The following PEAK1 variants were observed in gnomAD, a reference collection of about 807,000 sequenced individuals.
PEAK1 encodes pseudopodium enriched atypical kinase 1, also known as inactive tyrosine-protein kinase PEAK1.
A neutral mutation model predicts 124.7 loss-of-function variants in PEAK1; 54 were observed. That is an observed-to-expected ratio of 0.43 (90% CI 0.35 to 0.54). The LOEUF (loss-of-function observed/expected upper bound fraction) is 0.54. Among genes scored for constraint, PEAK1 ranks in the 20% least tolerant of loss-of-function variants. The probability of loss-of-function intolerance (pLI) is 0.01; values close to 1 mark genes in which losing one functional copy is unlikely to be tolerated. For missense variants in PEAK1, 2,046 were observed against 2,134.5 expected (o/e 0.96, Z 0.82); for synonymous variants, 719 against 760.0 (o/e 0.95, Z 0.89).
intron 2 of PEAK1, among the ~76,000 whole-genome samples, chr15:77,319,251 T>A (rs1347314916): frequency 6.6e-6 from 1 of 150,778 alleles, no homozygotes; most frequent in Non-Finnish European, 1.5e-5. Flanking sequence ...CCAAATGTAG[T>A]TTAAAAAAAA....
chr15:77,197,165 G>A (rs190552882), intron 6 of PEAK1, among the ~76,000 whole-genome samples: 2 of 152,174 alleles, frequency 1.3e-5, no homozygotes, highest in African/African-American at 4.8e-5. Flanking sequence ...AAACAGCTTG[G>A]AAGACAGAAT....
chr15:77,308,530 T>C (rs982715719), intron 2 of PEAK1, among the ~76,000 whole-genome samples: 20 of 152,100 alleles, frequency 1.3e-4, no homozygotes, highest in African/African-American at 4.8e-4. Context: ...TTCTCCCAAA[T>C]GTCAGCTTCA....
chr15:77,181,664 T>C lies in PEAK1; in HGVS notation c.263A>G (p.Glu88Gly). 6.2e-7 allele frequency: 1 copy of C among 1,614,166 alleles called. No homozygotes were observed. The highest frequency in any genetic ancestry group is 1.6e-4 in the Middle Eastern group (1 of 6,062). Residue 88 changes from glutamate to glycine, a missense_variant, in exon 7 of 10, where the codon GAG (glutamate) becomes GGG (glycine). Physicochemically the swap from Glu to Gly is moderately conservative, Grantham distance 98. Transcript: ENST00000682557. The stretch of plus-strand genomic sequence containing the variant: ...CTCACAGTGTTCTTGGATGCTAAGC[T>C]CACCACATATACTTTGCCCATCTGC... ...IVADGQSICG[E>G]LSIQEHCENK...
At chr15:77,336,635 G>A (rs1437422182) in intron 2 of PEAK1, 6 of 689,578 alleles carry the variant, frequency 8.7e-6, no homozygotes, top group Admixed American at 6.3e-5. Flanking sequence ...ACTTAATAAT[G>A]GACATCCAAC....
chr15:77,176,789 A>G (rs532755533), intron 7 of PEAK1, among the ~76,000 whole-genome samples: 1 of 152,332 alleles, frequency 6.6e-6, no homozygotes, highest in Admixed American at 6.5e-5. Context: ...CTTTCCACAG[A>G]AAGAAGCCGA....
intron 6 of PEAK1, among the ~76,000 whole-genome samples, chr15:77,211,417 C>T (rs2058898539): frequency 6.6e-6 from 1 of 152,168 alleles, no homozygotes; most frequent in South Asian, 2.1e-4. Flanking sequence ...ACAGGTTCTA[C>T]GGCTCCACTA....
chr15:77,205,985 C>T (rs2058630319), intron 6 of PEAK1, among the ~76,000 whole-genome samples: 1 of 120,930 alleles, frequency 8.3e-6, no homozygotes, highest in Non-Finnish European at 1.7e-5. Flanking sequence ...CCTCCCCCCA[C>T]CCCATCACAG....
rs919557207 is a variant in PEAK1, at chr15:77,179,450, C to G, written c.2477G>C (p.Ser826Thr). Residue 826 changes from serine to threonine, a missense_variant, in exon 7 of 10, where the codon AGT becomes ACT. Transcript: ENST00000682557. ...RPKSLFTSQP[S>T]GEAEAPQTTD... ...GGTCTGAGGTGCTTCAGCCTCACCA[C>G]TAGGCTGAGATGTAAAGAGAGATTT... 1 of 1,613,958 alleles carries G rather than the reference C, an allele frequency of 6.2e-7. No homozygotes were observed. The highest frequency in any genetic ancestry group is 8.5e-7 in the Non-Finnish European group (1 of 1,180,006).
At chr15:77,261,497 C>T (rs900996187) in intron 5 of PEAK1, among the ~76,000 whole-genome samples, 1 of 151,766 alleles carries the variant, frequency 6.6e-6, no homozygotes, top group African/African-American at 2.4e-5. Context: ...GCAGCCGATT[C>T]GATCAACTGG....
chr15:77,291,360 T>A (rs1252282747), intron 2 of PEAK1, among the ~76,000 whole-genome samples: 1 of 152,126 alleles, frequency 6.6e-6, no homozygotes. Flanking sequence ...ACACACACAC[T>A]AGTCTTCGAT....
chr15:77,396,333 G>C (rs1456131975), intron 1 of PEAK1, among the ~76,000 whole-genome samples: 1 of 151,906 alleles, frequency 6.6e-6, no homozygotes, highest in African/African-American at 2.4e-5. Flanking sequence ...CTAAAAGGAA[G>C]ACAGAAAGGA....
intron 6 of PEAK1, among the ~76,000 whole-genome samples, chr15:77,230,111 C>T (rs2059844650): frequency 6.6e-6 from 1 of 151,914 alleles, no homozygotes; most frequent in Admixed American, 6.6e-5. Context: ...ATATTTAAGA[C>T]AGGGAAAACA....
intron 6 of PEAK1, among the ~76,000 whole-genome samples, chr15:77,232,087 A>C (rs759065338): frequency 3.3e-5 from 5 of 152,190 alleles, no homozygotes; most frequent in Non-Finnish European, 5.9e-5. Flanking sequence ...GTAGAGGCTT[A>C]CTCCAACAAT....
intron 1 of PEAK1, chr15:77,418,348 T>C: frequency 1.0e-6 from 1 of 985,284 alleles, no homozygotes; most frequent in East Asian, 1.1e-4. Context: ...ATTTGACATT[T>C]TTTCCCACAT....
chr15:77,109,667 A>G lies in PEAK1; in HGVS notation c.*4489T>C, dbSNP rs2050874061. 6.6e-6 allele frequency: 1 copy of G among 152,208 alleles called. No individual in the cohort carries two copies. The highest frequency in any genetic ancestry group is 2.4e-5 in the African/African-American group (1 of 41,450). The allele number at this position is 152,208 out of a possible 1,614,324, so 9.4% of individuals were successfully genotyped here. A position where few individuals can be genotyped will look rare whatever the true frequency, so the allele number is the denominator to read the frequency against. ...GCACTTGGATTTGTCTCGGCACAGC[A>G]CTTTGGGCCTTTGAGAATATGAGCT... On this transcript the variant is annotated 3_prime_UTR_variant, in exon 10 of 10. Transcript: ENST00000682557.
Position 77,119,696 on chromosome 15 carries a change from T to C in PEAK1, c.4078-4377A>G, listed in dbSNP as rs2051734981. ...GCAGGGAAACAGAGCTTGAAAATGA[T>C]TCATCATGCACAACCTGAAAAGTTT... On this transcript the variant is annotated intron_variant, in intron 9 of 9. Coordinates refer to ENST00000682557, the MANE Select transcript of PEAK1 (RefSeq NM_001385026.1). Among the ~76,000 whole-genome samples, 4 of 152,220 alleles carry C rather than the reference T, an allele frequency of 2.6e-5. No individual in the cohort carries two copies. In the South Asian group the frequency reaches 8.3e-4, roughly 32 times the overall value.
intron 5 of PEAK1, among the ~76,000 whole-genome samples, chr15:77,254,216 T>A (rs1184874837): frequency 6.6e-6 from 1 of 152,146 alleles, no homozygotes; most frequent in Non-Finnish European, 1.5e-5. Flanking sequence ...TTCTGTGAGT[T>A]ATGTTTTTGC....
intron 1 of PEAK1, among the ~76,000 whole-genome samples, chr15:77,408,018 C>A (rs34204103): frequency 1.3e-4 from 19 of 150,910 alleles, no homozygotes; most frequent in African/African-American, 4.4e-4. Flanking sequence ...CACATATACA[C>A]ATATATACAC....
chr15:77,249,220 C>T (rs947884476), intron 6 of PEAK1, among the ~76,000 whole-genome samples: 1 of 151,852 alleles, frequency 6.6e-6, no homozygotes, highest in East Asian at 1.9e-4. Context: ...GTAAATAATG[C>T]TTTAAAGACC....
Sources: gnomAD v4.1 joint callset for allele counts (sites outside exome capture counted in the v4.1 genomes callset) on GRCh38, gnomAD v4.1.1 for gene constraint, MANE v1.5 for transcripts, NCBI Gene and HGNC (gene_info 2026-07-23, HGNC 2026-07-21) for gene names.